CD82: variants seen among roughly 807,000 people sequenced by gnomAD.
The protein encoded by CD82 is CD82 antigen.
CD82 carries 36 observed loss-of-function variants against 37.4 expected under a neutral mutation model. That is an observed-to-expected ratio of 0.96 (90% confidence interval 0.74 to 1.27). The LOEUF is 1.27. Ranked by LOEUF, CD82 falls within the 50% of genes most tolerant of loss-of-function variation. The pLI, the probability that CD82 is intolerant of heterozygous loss-of-function variation, is 0.00. For missense variants in CD82, 340 were observed against 347.0 expected, an observed-to-expected ratio of 0.98 and a Z score of 0.16; for synonymous variants, 158 against 137.4, an observed-to-expected ratio of 1.15 and a Z score of -1.05.
At chr11:44,610,575 G>A (rs1853465792) in intron 6 of CD82, among the ~76,000 whole-genome samples, 1 of 152,190 alleles carries the variant, frequency 6.6e-6, no homozygotes, top group Non-Finnish European at 1.5e-5. Flanking sequence ...CCATGCAGAG[G>A]ACAGCAGGGT....
At chr11:44,609,915 G>A (rs1295404330) in intron 6 of CD82, among the ~76,000 whole-genome samples, 2 of 152,158 alleles carry the variant, frequency 1.3e-5, no homozygotes, top group Non-Finnish European at 2.9e-5. Context: ...GCATTCTGGG[G>A]TAGCTAATTA....
chr11:44,601,232 G>T (rs966267339), intron 4 of CD82, among the ~76,000 whole-genome samples: 1 of 152,118 alleles, frequency 6.6e-6, no homozygotes, highest in African/African-American at 2.4e-5. Flanking sequence ...ACAGCTGCTT[G>T]ATTTACATAA....
chr11:44,616,207 G>T (rs1853561895), intron 7 of CD82, among the ~76,000 whole-genome samples: 1 of 152,170 alleles, frequency 6.6e-6, no homozygotes, highest in Non-Finnish European at 1.5e-5. Flanking sequence ...AGGAGAGTTT[G>T]CAGAGAGGAC....
chr11:44,616,238 A>G (rs1426783404), intron 7 of CD82, among the ~76,000 whole-genome samples: 1 of 152,106 alleles, frequency 6.6e-6, no homozygotes, highest in East Asian at 1.9e-4. Context: ...GGTGACATGG[A>G]CATGGCCATT....
Position 44,619,432 on chromosome 11 carries a change from G to T in CD82, c.*306G>T. 1 of 420,016 alleles carries T rather than the reference G, an allele frequency of 2.4e-6. No individual in the cohort carries two copies. Among genetic ancestry groups the T allele is most frequent in the South Asian group, 2.6e-5 (1 of 39,198 alleles). The allele number at this position is 420,016 out of a possible 1,614,324, so 26.0% of individuals were successfully genotyped here. On this transcript the variant is annotated 3_prime_UTR_variant, in exon 10 of 10. Coordinates refer to ENST00000227155, the MANE Select transcript of CD82 (RefSeq NM_002231.4). ...GGCTGGACTTCTACCTGCCCTCAAG[G>T]GTGTGTATATTGTATAGGGGCAACT...
At chr11:44,613,445 T>C (rs57050619) in intron 6 of CD82, among the ~76,000 whole-genome samples, 27,394 of 152,188 alleles carry the variant, frequency 0.18, 2,828 homozygotes, top group African/African-American at 0.29. Context: ...GTTTTCTCTG[T>C]GGGGTTAGCT....
In CD82 at chr11:44,594,721, T is replaced by A; in HGVS notation, c.59T>A (p.Phe20Tyr). 6.2e-7 allele frequency: 1 copy of A among 1,613,048 alleles called. No homozygotes were observed. The highest frequency in any genetic ancestry group is 1.1e-5 in the South Asian group (1 of 91,056). The change falls in exon 3 of 10, where the codon TTC becomes TAC. Residue 20 changes from phenylalanine (F) to tyrosine (Y), a missense_variant. Transcript: ENST00000227155. ...TTTCTCTTCCTCTTCAACTTGATCT[T>A]CTTTGTAAGTATGTCCCATGCCGTC... ...KYFLFLFNLI[F>Y]FILGAVILGF...
At chr11:44,589,440 A>G (rs1853107308) in intron 2 of CD82, among the ~76,000 whole-genome samples, 1 of 152,262 alleles carries the variant, frequency 6.6e-6, no homozygotes, top group African/African-American at 2.4e-5. Flanking sequence ...AGTATACACA[A>G]GAAAGCATAA....
chr11:44,602,360 CT>C (rs2134669143), intron 4 of CD82, among the ~76,000 whole-genome samples: 1 of 152,320 alleles, frequency 6.6e-6, no homozygotes, highest in African/African-American at 2.4e-5. Flanking sequence ...ATAGAGTGCA[CT>C]TACTGTGGTT....
intron 4 of CD82, among the ~76,000 whole-genome samples, chr11:44,600,470 A>G (rs1182524508): frequency 6.6e-6 from 1 of 152,084 alleles, no homozygotes; most frequent in African/African-American, 2.4e-5. Flanking sequence ...AACACTGGGG[A>G]TGAGGGAGGC....
chr11:44,605,551 GA>G (rs1853382122), intron 6 of CD82, 122 bp downstream of exon 6: 1 of 868,686 alleles, frequency 1.2e-6, no homozygotes, highest in Non-Finnish European at 1.9e-6. Flanking sequence ...AGGTGTCAGG[GA>G]CGGCCTCCTG....
Position 44,605,372 on chromosome 11 carries a change from C to T in CD82, c.279C>T (p.Leu93=). ...GTCCCCAGTACTTTGCTTTCCTGCT[C>T]CTGATCCTCATTGCCCAGGTGACGG... The part of the protein sequence containing the change: ...CLLGLYFAFL[L]LILIAQVTAG... Residue 93 remains leucine (L), a synonymous_variant, in exon 6 of 10, where the codon CTC becomes CTT. Coordinates refer to ENST00000227155, the MANE Select transcript of CD82 (RefSeq NM_002231.4). The T allele has an allele frequency of 6.2e-7, 1 of 1,614,252 alleles. No homozygotes were observed. Among genetic ancestry groups the T allele is most frequent in the Non-Finnish European group, 8.5e-7 (1 of 1,180,030 alleles).
In CD82 at chr11:44,615,260, T is replaced by TC. The variant is rs766613038; in HGVS notation, c.337-6dup. The TC allele has an allele frequency of 4.4e-6, 7 of 1,576,764 alleles. No individual in the cohort carries two copies. Among genetic ancestry groups the TC allele is most frequent in the East Asian group, 4.5e-5 (2 of 44,610 alleles). On this transcript the variant is annotated splice_polypyrimidine_tract_variant and intron_variant, in intron 6 of 9. Coordinates refer to ENST00000227155, the MANE Select transcript of CD82 (RefSeq NM_002231.4). ...GGAAATCTGACCCTGACCTTTGTCC[T>TC]CCCCCCTGCAGCTGAAGCAGGAGAT...
intron 1 of CD82, among the ~76,000 whole-genome samples, chr11:44,577,379 A>G (rs1852908395): frequency 6.6e-6 from 1 of 151,848 alleles, no homozygotes; most frequent in African/African-American, 2.4e-5. Flanking sequence ...GGCTCCAGCC[A>G]CCTTCTTCCC....
At chr11:44,618,825 C>T (rs1370423308) in intron 9 of CD82, 102 bp downstream of exon 9, 4 of 1,036,408 alleles carry the variant, frequency 3.9e-6, no homozygotes, top group Non-Finnish European at 5.7e-6. Context: ...GGGCCAGCAC[C>T]CCATCAGCTT....
chr11:44,606,715 G>T (rs945323127), intron 6 of CD82: 1 of 152,246 alleles, frequency 6.6e-6, no homozygotes, highest in African/African-American at 2.4e-5. Flanking sequence ...ACAGCGTCTT[G>T]TCCTCACAAT....
chr11:44,615,164 T>G (rs530643947), intron 6 of CD82, 108 bp from the exon 7 acceptor site: 16 of 722,246 alleles, frequency 2.2e-5, no homozygotes, highest in Middle Eastern at 2.7e-4. Context: ...CATGAGCGTG[T>G]CCCAGGGTTG....
chr11:44,615,301 T>C lies in CD82; in HGVS notation c.366T>C (p.Thr122=), dbSNP rs1366630566. The change falls in exon 7 of 10, where the codon ACT becomes ACC. Residue 122 remains threonine, a synonymous_variant. Coordinates refer to ENST00000227155, the MANE Select transcript of CD82 (RefSeq NM_002231.4). ...KLKQEMGGIV[T]ELIRDYNSSR... is the part of the protein sequence containing the mutation. Reference sequence around the variant, plus strand: ...AGCAGGAGATGGGCGGCATCGTGACTGAGCTCATTCGAGACTACAACAGCA... The same window carrying C: ...AGCAGGAGATGGGCGGCATCGTGACCGAGCTCATTCGAGACTACAACAGCA... 5.0e-6 allele frequency: 8 copies of C among 1,613,200 alleles called. No homozygotes were observed. Among genetic ancestry groups the C allele is most frequent in the Non-Finnish European group, 6.8e-6 (8 of 1,179,274 alleles).
At position 44,576,024 on chromosome 11, in the gene CD82, C is replaced by A. The variant is rs925891607; in HGVS notation, c.-103+10288C>A. 1.4e-4 allele frequency among the ~76,000 whole-genome samples: 22 copies of A among 152,326 alleles called. No individual in the cohort carries two copies. The East Asian group carries it at 4.2e-3, about 29-fold the overall frequency. On this transcript the variant is annotated intron_variant, in intron 1 of 9. Coordinates refer to ENST00000227155, the MANE Select transcript of CD82 (RefSeq NM_002231.4). ...CACTGCACCGGCCCCAAGTGAGAGG[C>A]CTGGGGAGGCAGATTCCTCCACACC...
Sources: allele counts gnomAD v4.1 joint callset (sites outside exome capture counted in the v4.1 genomes callset), GRCh38; gene constraint gnomAD v4.1.1; transcripts MANE v1.5; gene names NCBI Gene and HGNC (gene_info 2026-07-23, HGNC 2026-07-21).